The following EYS variants were observed in gnomAD, a reference collection of about 807,000 sequenced individuals.
EYS encodes the protein protein eyes shut homolog.
EYS carries 250 observed loss-of-function variants against 282.1 expected under a neutral mutation model. The ratio of observed to expected loss-of-function variants is 0.89; its 90% CI spans 0.80 to 0.98. The LOEUF (loss-of-function observed/expected upper bound fraction) is 0.98. EYS is among the 50% of genes least tolerant of loss of function. The probability of loss-of-function intolerance (pLI) is 0.00; values close to 1 mark genes in which losing one functional copy is unlikely to be tolerated. For missense variants in EYS, 4,016 were observed against 3,709.0 expected, an observed-to-expected ratio of 1.08 and a Z score of -2.15; for synonymous variants, 1,355 against 1,282.9, an observed-to-expected ratio of 1.06 and a Z score of -1.20.
At chr6:65,400,633 G>A (rs1329913867) in intron 7 of EYS, among the ~76,000 whole-genome samples, 1 of 151,710 alleles carries the variant, frequency 6.6e-6, no homozygotes, top group African/African-American at 2.4e-5. Flanking sequence ...TAAGTTACTA[G>A]GTACCAAATA....
chr6:65,214,107 C>A (rs1358593633), intron 12 of EYS, among the ~76,000 whole-genome samples: 1 of 137,508 alleles, frequency 7.3e-6, no homozygotes, highest in Non-Finnish European at 1.5e-5. Flanking sequence ...TGCAGTGAGC[C>A]GAGATTGCGC....
intron 30 of EYS, among the ~76,000 whole-genome samples, chr6:64,240,915 A>T (rs189608746): frequency 6.6e-6 from 1 of 152,274 alleles, no homozygotes; most frequent in East Asian, 1.9e-4. Context: ...TATTATTTTG[A>T]GATACATTCC....
intron 22 of EYS, among the ~76,000 whole-genome samples, chr6:64,693,624 A>C (rs1023547525): frequency 1.3e-5 from 2 of 152,162 alleles, no homozygotes; most frequent in Non-Finnish European, 2.9e-5. Context: ...CTCACATCAT[A>C]GGTAAAATTG....
intron 12 of EYS, among the ~76,000 whole-genome samples, chr6:65,080,035 A>G (rs1336108112): frequency 1.3e-5 from 2 of 152,272 alleles, no homozygotes; most frequent in African/African-American, 2.4e-5. Context: ...AATTGGAACC[A>G]GTGAAGAGTC....
At chr6:65,292,099 G>A (rs990252848) in intron 12 of EYS, among the ~76,000 whole-genome samples, 1 of 151,644 alleles carries the variant, frequency 6.6e-6, no homozygotes, top group African/African-American at 2.4e-5. Flanking sequence ...TCTGAAGGAA[G>A]ACTACAATAT....
At chr6:65,090,603 T>C (rs771395457) in intron 12 of EYS, among the ~76,000 whole-genome samples, 2 of 152,158 alleles carry the variant, frequency 1.3e-5, no homozygotes, top group East Asian at 3.9e-4. Flanking sequence ...ATTTCCTAAA[T>C]GAATGGAAAC....
intron 10 of EYS, among the ~76,000 whole-genome samples, chr6:65,342,029 A>G (rs572003588): frequency 2.6e-5 from 4 of 151,196 alleles, no homozygotes; most frequent in South Asian, 2.1e-4. Context: ...TGTATGGGTA[A>G]TATTGTTAGT....
intron 13 of EYS, among the ~76,000 whole-genome samples, chr6:65,050,404 TTA>T (rs1475106208): frequency 1.3e-5 from 2 of 151,698 alleles, no homozygotes; most frequent in African/African-American, 4.8e-5. Flanking sequence ...AACGAATCGT[TTA>T]TTTTTTTTCT....
Position 65,447,168 on chromosome 6 carries a change from A to T in EYS, c.863-41801T>A, listed in dbSNP as rs181808582. On this transcript the variant is annotated intron_variant, in intron 5 of 42. Coordinates refer to ENST00000503581, the MANE Select transcript of EYS (RefSeq NM_001142800.2). The stretch of plus-strand genomic sequence containing the variant: ...TTAAATACAGTTCAGATCAGTAATT[A>T]AACTTTGTTTTATTCATTTGCTTAA... 2.6e-4 allele frequency among the ~76,000 whole-genome samples: 39 copies of T among 151,288 alleles called. 1 individual carries two copies. In the East Asian group the frequency reaches 7.2e-3, roughly 28 times the overall value.
intron 29 of EYS, among the ~76,000 whole-genome samples, chr6:64,361,662 A>G (rs1395950220): frequency 2.0e-5 from 3 of 151,560 alleles, no homozygotes; most frequent in African/African-American, 7.3e-5. Flanking sequence ...GGAAAATATG[A>G]TCACAAAAGT....
At chr6:63,949,429 A>T (rs1237496194) in intron 35 of EYS, among the ~76,000 whole-genome samples, 2 of 152,122 alleles carry the variant, frequency 1.3e-5, no homozygotes, top group African/African-American at 2.4e-5. Context: ...TCTTATATAT[A>T]AATATTCAAT....
At chr6:63,840,230 T>TTATTATTATTAC (rs1288630026) in intron 36 of EYS, among the ~76,000 whole-genome samples, 1 of 130,468 alleles carries the variant, frequency 7.7e-6, no homozygotes, top group South Asian at 3.0e-4. Context: ...ATTATTATTA[T>TTATTATTATTAC]TATTATTGTA....
In EYS at chr6:63,721,367, ACCT is replaced by A; in HGVS notation, c.8661_8663del (p.Gly2888del). On this transcript the variant is annotated inframe_deletion, in exon 43 of 43. Coordinates refer to ENST00000503581, the MANE Select transcript of EYS (RefSeq NM_001142800.2). ...AAGTTGTGCCATTTACTGTACATTC[ACCT>A]CCATTTCTGCATGTGTTGTACCCAC... is the stretch of plus-strand genomic sequence containing the variant. 1 of 1,551,746 alleles carries A rather than the reference ACCT, an allele frequency of 6.4e-7. No individual in the cohort carries two copies. Among genetic ancestry groups the A allele is most frequent in the Non-Finnish European group, 8.7e-7 (1 of 1,146,958 alleles).
chr6:64,694,886 T>A (rs1230020242), intron 22 of EYS, among the ~76,000 whole-genome samples: 1 of 151,990 alleles, frequency 6.6e-6, no homozygotes, highest in Non-Finnish European at 1.5e-5. Context: ...GGCTAACTGG[T>A]CATTCTTGCT....
At chr6:64,967,875 G>A (rs2150109556) in intron 14 of EYS, among the ~76,000 whole-genome samples, 1 of 152,220 alleles carries the variant, frequency 6.6e-6, no homozygotes, top group East Asian at 1.9e-4. Flanking sequence ...AATATTTGTT[G>A]TATGGTGTTA....
intron 2 of EYS, among the ~76,000 whole-genome samples, chr6:65,506,191 G>T (rs145232770): frequency 7.9e-5 from 12 of 152,088 alleles, no homozygotes; most frequent in Middle Eastern, 3.4e-3. Flanking sequence ...ATCTTTTCTC[G>T]TCTCTTTTAA....
rs1464131131 is a variant in EYS, at chr6:65,587,654, AC to A, written c.-333+52123del. Among the ~76,000 whole-genome samples, 30 of 152,230 alleles carry A rather than the reference AC, an allele frequency of 2.0e-4. No homozygotes were observed. In the East Asian group the frequency reaches 5.6e-3, roughly 29 times the overall value. The stretch of plus-strand genomic sequence containing the variant: ...TCATTGGCAGTGTGAGAATGGACTT[AC>A]ACGAAAGGCGAACATAAATCCCTTT... On this transcript the variant is annotated intron_variant, in intron 2 of 42. Coordinates refer to ENST00000503581, the MANE Select transcript of EYS (RefSeq NM_001142800.2).
chr6:65,368,962 C>A (rs1765022592), intron 8 of EYS, among the ~76,000 whole-genome samples: 1 of 151,344 alleles, frequency 6.6e-6, no homozygotes, highest in Non-Finnish European at 1.5e-5. Flanking sequence ...TACATCAGAG[C>A]AATTCAGTGG....
chr6:65,594,043 T>C (rs74903887), intron 2 of EYS, among the ~76,000 whole-genome samples: 263 of 152,058 alleles, frequency 1.7e-3, no homozygotes, highest in Middle Eastern at 6.8e-3. Context: ...GGTGCTTCAC[T>C]AATAATAACA....
Sources: gnomAD v4.1 joint callset for allele counts (sites outside exome capture counted in the v4.1 genomes callset) on GRCh38, gnomAD v4.1.1 for gene constraint, MANE v1.5 for transcripts, NCBI Gene and HGNC (gene_info 2026-07-23, HGNC 2026-07-21) for gene names.